The following G2E3 variants were observed in gnomAD, a reference collection of about 807,000 sequenced individuals.
G2E3 encodes the protein G2/M phase-specific E3 ubiquitin-protein ligase.
In G2E3, 35 loss-of-function variants were observed where a neutral mutation model predicts 92.8. That is an observed-to-expected ratio of 0.38 (90% CI 0.29 to 0.50). The LOEUF (loss-of-function observed/expected upper bound fraction) is 0.50. Among genes scored for constraint, G2E3 ranks in the 20% least tolerant of loss-of-function variants. G2E3 has a pLI of 0.94. For synonymous variants in G2E3, 242 were observed against 272.4 expected (o/e 0.89, Z 1.10); for missense variants, 554 against 823.8 (o/e 0.67, Z 4.01).
intron 13 of G2E3, among the ~76,000 whole-genome samples, chr14:30,613,438 T>C (rs1882182424): frequency 6.6e-6 from 1 of 152,236 alleles, no homozygotes; most frequent in South Asian, 2.1e-4. Context: ...CTTTATATTA[T>C]TGTTTTTAAT....
chr14:30,589,476 T>C lies in G2E3; in HGVS notation c.229T>C (p.Ser77Pro). 1 of 1,459,182 alleles carries C rather than the reference T, an allele frequency of 6.9e-7. No homozygotes were observed. The allele number at this position is 1,459,182 out of a possible 1,614,324, so 90.4% of individuals were successfully genotyped here. A position where few individuals can be genotyped will look rare whatever the true frequency, so the allele number is the denominator to read the frequency against. ...EDIRKEVNRA[S>P]KLKCCVCKKN... ...TATCAGGAAGGAAGTGAATAGAGCT[T>C]CTAAACTGGTAAGTAAATTATTTTA... is the stretch of plus-strand genomic sequence containing the variant. Residue 77 changes from serine (S) to proline (P), a missense_variant, in exon 4 of 15, where the codon TCT (serine) becomes CCT (proline). Transcript: ENST00000206595.
Position 30,618,859 on chromosome 14 carries a change from AC to A in G2E3, c.*2326del, listed in dbSNP as rs1882436092. On this transcript the variant is annotated 3_prime_UTR_variant, in exon 15 of 15. Transcript: ENST00000206595. ...ATTTTATAACCAGTGCATAATTCTT[AC>A]ATTAGATTTTAAAAAAGAATTATGC... The A allele has an allele frequency of 6.6e-6, 1 of 152,016 alleles. No homozygotes were observed. Among genetic ancestry groups the A allele is most frequent in the Non-Finnish European group, 1.5e-5 (1 of 67,912 alleles). 9.4% of individuals were successfully genotyped at this position (152,016 alleles called of 1,614,324 possible).
chr14:30,582,929 A>G (rs1201132590), intron 2 of G2E3, among the ~76,000 whole-genome samples: 1 of 152,156 alleles, frequency 6.6e-6, no homozygotes, highest in Non-Finnish European at 1.5e-5. Context: ...CAAATATAAT[A>G]CCTTTTAACA....
chr14:30,592,218 A>G (rs1027441517), intron 4 of G2E3, 105 bp from the exon 5 acceptor site: 3 of 1,000,498 alleles, frequency 3.0e-6, no homozygotes, highest in Non-Finnish European at 4.6e-6. Context: ...TTACATGATG[A>G]AATAATTTTC....
chr14:30,559,671 C>T (rs899900586), intron 1 of G2E3: 1 of 152,118 alleles, frequency 6.6e-6, no homozygotes, highest in African/African-American at 2.4e-5. Context: ...AAACAAATCT[C>T]TTTTAATGAA....
chr14:30,562,996 G>A (rs1294184773), intron 1 of G2E3, among the ~76,000 whole-genome samples: 2 of 152,048 alleles, frequency 1.3e-5, no homozygotes, highest in African/African-American at 2.4e-5. Context: ...GGCATTTGGG[G>A]CCACTACCAG....
At chr14:30,564,135 C>A (rs554629092) in intron 1 of G2E3, among the ~76,000 whole-genome samples, 1 of 152,180 alleles carries the variant, frequency 6.6e-6, no homozygotes, top group Non-Finnish European at 1.5e-5. Flanking sequence ...GGGTATAGTT[C>A]AATGAGTTTT....
At chr14:30,609,620 T>C (rs773033577) in intron 12 of G2E3, among the ~76,000 whole-genome samples, 2 of 152,176 alleles carry the variant, frequency 1.3e-5, no homozygotes, top group Non-Finnish European at 2.9e-5. Context: ...TACAGACCTG[T>C]ATTTTTGAGC....
rs536663228 is a variant in G2E3 at position 30,589,324 on chromosome 14, T to A, written c.136-59T>A. 182 of 970,018 alleles carry A rather than the reference T, an allele frequency of 1.9e-4. No homozygotes were observed. In the African/African-American group the frequency reaches 2.0e-3, roughly 10 times the overall value. 60.1% of individuals were successfully genotyped at this position (970,018 alleles called of 1,614,324 possible). A position where few individuals can be genotyped will look rare whatever the true frequency, so the allele number is the denominator to read the frequency against. ...TAGACTGAATAGTATGGATATATAT[T>A]TTTTTAATGCCCAACTAGTTTCTTA... On this transcript the variant is annotated intron_variant, in intron 3 of 14. Coordinates refer to ENST00000206595, the MANE Select transcript of G2E3 (RefSeq NM_017769.5).
At chr14:30,579,624 T>C (rs1430107337) in intron 1 of G2E3, among the ~76,000 whole-genome samples, 3 of 152,194 alleles carry the variant, frequency 2.0e-5, no homozygotes, top group Non-Finnish European at 4.4e-5. Flanking sequence ...TTTGTGGTTT[T>C]CACTCTTTGA....
At chr14:30,614,632 C>T (rs1476234367) in intron 13 of G2E3, among the ~76,000 whole-genome samples, 1 of 152,228 alleles carries the variant, frequency 6.6e-6, no homozygotes, top group Non-Finnish European at 1.5e-5. Context: ...GAAACCATAA[C>T]ATTCTGCTCC....
At chr14:30,570,749 T>C (rs1304791823) in intron 1 of G2E3, among the ~76,000 whole-genome samples, 1 of 152,180 alleles carries the variant, frequency 6.6e-6, no homozygotes, top group Non-Finnish European at 1.5e-5. Context: ...TGTGAGTTTT[T>C]TGCCAGGTTT....
chr14:30,567,377 T>C (rs1054424435), intron 1 of G2E3, among the ~76,000 whole-genome samples: 2 of 152,172 alleles, frequency 1.3e-5, no homozygotes, highest in African/African-American at 4.8e-5. Flanking sequence ...TATTTCTTCT[T>C]GTCACTTTTG....
intron 11 of G2E3, 128 bp from the exon 12 acceptor site, chr14:30,607,760 A>C: frequency 3.8e-6 from 2 of 529,488 alleles, no homozygotes; most frequent in Non-Finnish European, 6.6e-6. Context: ...TATTTTCTAC[A>C]TAATGATAGC....
Position 30,574,508 on chromosome 14 carries a change from T to C in G2E3, c.-4-6568T>C, listed in dbSNP as rs530292551. 6.6e-5 allele frequency: 10 copies of C among 152,142 alleles called. No homozygotes were observed. In the East Asian group the frequency reaches 1.5e-3, roughly 23 times the overall value. 9.4% of individuals were successfully genotyped at this position (152,142 alleles called of 1,614,324 possible). ...ATGTCATGGGGGTTTGTTGCACATA[T>C]TATTTCATCACCCAGGTATTAAGCC... On this transcript the variant is annotated intron_variant, in intron 1 of 14. Transcript: ENST00000206595.
chr14:30,596,128 G>A (rs1170236807), intron 6 of G2E3, among the ~76,000 whole-genome samples: 1 of 124,824 alleles, frequency 8.0e-6, no homozygotes, highest in Admixed American at 8.5e-5. Context: ...GTGGGTGGGT[G>A]GGTGTGCGTG....
At chr14:30,586,865 A>G in intron 3 of G2E3, 50 bp downstream of exon 3, 1 of 600,256 alleles carries the variant, frequency 1.7e-6, no homozygotes, top group Non-Finnish European at 2.8e-6. Flanking sequence ...TCTAAAGAAG[A>G]TAGTAAGATT....
At chr14:30,569,741 A>AG (rs529230723) in intron 1 of G2E3, among the ~76,000 whole-genome samples, 22 of 151,756 alleles carry the variant, frequency 1.4e-4, no homozygotes, top group East Asian at 3.9e-4. Context: ...CAGCTGGTGA[A>AG]GGGGGGGGAT....
At chr14:30,592,140 G>A (rs1053412924) in intron 4 of G2E3, among the ~76,000 whole-genome samples, 183 bp from the exon 5 acceptor site, 5 of 152,030 alleles carry the variant, frequency 3.3e-5, no homozygotes, top group African/African-American at 1.2e-4. Flanking sequence ...AATCTTTGGT[G>A]TCTTTAGATT....
Sources: gnomAD v4.1 joint callset for allele counts (sites outside exome capture counted in the v4.1 genomes callset) on GRCh38, gnomAD v4.1.1 for gene constraint, MANE v1.5 for transcripts, NCBI Gene and HGNC (gene_info 2026-07-23, HGNC 2026-07-21) for gene names.